MED12L: variants seen among roughly 807,000 people sequenced by gnomAD.
The protein encoded by MED12L is mediator of RNA polymerase II transcription subunit 12-like protein.
In MED12L, 60 loss-of-function variants were observed where a neutral mutation model predicts 281.3. The ratio of observed to expected loss-of-function variants is 0.21; its 90% CI spans 0.17 to 0.26. The LOEUF (loss-of-function observed/expected upper bound fraction) is 0.26, where lower values mean the gene tolerates loss of function less well. Ranked by LOEUF, MED12L falls within the 10% of genes least tolerant of loss-of-function variation. The pLI, the probability that MED12L is intolerant of heterozygous loss-of-function variation, is 1.00. For missense variants in MED12L, 2,146 were observed against 2,680.9 expected (o/e 0.80, Z 4.41); for synonymous variants, 974 against 987.2 (o/e 0.99, Z 0.25).
chr3:151,216,998 T>A (rs1728364239), intron 16 of MED12L, among the ~76,000 whole-genome samples: 1 of 152,132 alleles, frequency 6.6e-6, no homozygotes, highest in African/African-American at 2.4e-5. Context: ...CGCCTGGCCA[T>A]TGTGGTGTCA....
chr3:151,196,236 T>C (rs572450218), intron 16 of MED12L, among the ~76,000 whole-genome samples: 2 of 152,350 alleles, frequency 1.3e-5, no homozygotes, highest in African/African-American at 4.8e-5. Context: ...ACAATTGATA[T>C]TGTAGGATAC....
intron 16 of MED12L, chr3:151,338,199 A>T: frequency 1.9e-6 from 3 of 1,614,134 alleles, no homozygotes; most frequent in Non-Finnish European, 2.5e-6. Flanking sequence ...TGACCGGTAC[A>T]GTTCTTTTGT....
At chr3:151,424,192 T>A (rs528287251) in intron 43 of MED12L, among the ~76,000 whole-genome samples, 2 of 152,306 alleles carry the variant, frequency 1.3e-5, no homozygotes, top group East Asian at 1.9e-4. Context: ...TTTGGAAATT[T>A]TTTTTTTCTT....
chr3:151,131,135 C>T (rs571115308), intron 5 of MED12L, among the ~76,000 whole-genome samples: 10 of 152,312 alleles, frequency 6.6e-5, no homozygotes, highest in East Asian at 1.9e-4. Flanking sequence ...CCAGCTATAT[C>T]GGAGAGACTA....
intron 16 of MED12L, among the ~76,000 whole-genome samples, chr3:151,309,137 A>ACG (rs200464647): frequency 5.2e-5 from 7 of 134,094 alleles, no homozygotes; most frequent in Non-Finnish European, 9.4e-5. Flanking sequence ...ACACACACAC[A>ACG]CACGCACACA....
chr3:151,183,873 A>G (rs1282218228), intron 11 of MED12L, among the ~76,000 whole-genome samples: 1 of 152,256 alleles, frequency 6.6e-6, no homozygotes, highest in Non-Finnish European at 1.5e-5. Flanking sequence ...GCTTAGATTA[A>G]TAAAAACTGA....
At chr3:151,294,281 G>A in intron 16 of MED12L, 1 of 1,613,704 alleles carries the variant, frequency 6.2e-7, no homozygotes, top group Non-Finnish European at 8.5e-7. Context: ...CAGCCTTCTT[G>A]AAAATGACCT....
chr3:151,319,472 T>TGC (rs977027666), intron 16 of MED12L, among the ~76,000 whole-genome samples: 6 of 68,486 alleles, frequency 8.8e-5, no homozygotes, highest in Middle Eastern at 5.3e-3. Flanking sequence ...TGTGTGCGTG[T>TGC]GTGTGTGTGT....
chr3:151,354,772 C>T (rs1247557670), intron 17 of MED12L, among the ~76,000 whole-genome samples: 2 of 152,140 alleles, frequency 1.3e-5, no homozygotes, highest in African/African-American at 2.4e-5. Context: ...CAACATGAAT[C>T]AATCTTAAAA....
intron 16 of MED12L, among the ~76,000 whole-genome samples, chr3:151,233,075 G>A (rs1732022162): frequency 6.6e-6 from 1 of 152,192 alleles, no homozygotes; most frequent in Non-Finnish European, 1.5e-5. Flanking sequence ...CCCTCTTGGA[G>A]CTCAGAGCCT....
intron 26 of MED12L, among the ~76,000 whole-genome samples, chr3:151,371,786 A>G (rs1756217725): frequency 6.6e-6 from 1 of 152,144 alleles, no homozygotes; most frequent in African/African-American, 2.4e-5. Context: ...TTGAATTTTT[A>G]TTACTCTCTC....
chr3:151,186,585 C>T (rs951383015), intron 12 of MED12L, among the ~76,000 whole-genome samples: 10 of 152,214 alleles, frequency 6.6e-5, no homozygotes, highest in African/African-American at 2.4e-4. Flanking sequence ...AGGTTGCAGA[C>T]TGTTCCCCAG....
At chr3:151,164,453 G>T (rs1720423123) in intron 9 of MED12L, among the ~76,000 whole-genome samples, 1 of 151,954 alleles carries the variant, frequency 6.6e-6, no homozygotes, top group African/African-American at 2.4e-5. Context: ...CCTGTCTTGG[G>T]ATCTAGAACT....
At chr3:151,299,828 C>T (rs1745661610) in intron 16 of MED12L, among the ~76,000 whole-genome samples, 3 of 152,042 alleles carry the variant, frequency 2.0e-5, no homozygotes, top group African/African-American at 7.2e-5. Flanking sequence ...TCCTACTTGT[C>T]ATTTTAGAGA....
At chr3:151,385,618 C>G (rs1259619256) in intron 36 of MED12L, among the ~76,000 whole-genome samples, 1 of 151,544 alleles carries the variant, frequency 6.6e-6, no homozygotes, top group Admixed American at 6.6e-5. Flanking sequence ...AGGAGGATTG[C>G]TTGAAGCCAG....
chr3:151,260,334 T>C (rs1738623799), intron 16 of MED12L, among the ~76,000 whole-genome samples: 2 of 152,164 alleles, frequency 1.3e-5, no homozygotes. Context: ...ACTAATATCT[T>C]TTAAAAGCCA....
At position 151,134,639 on chromosome 3, in the gene MED12L, G is replaced by T. The variant is rs550908946; in HGVS notation, c.556+6655G>T. 2.0e-5 allele frequency among the ~76,000 whole-genome samples: 3 copies of T among 152,264 alleles called. No homozygotes were observed. In the East Asian group the frequency reaches 5.8e-4, roughly 29 times the overall value. On this transcript the variant is annotated intron_variant, in intron 5 of 44. Transcript: ENST00000687756. ...AAGTCTTAAGGAATAAGCCACTGAG[G>T]GAACTTGGGACATCCAGGAGATTCA...
chr3:151,119,273 A>G (rs1713366521), intron 3 of MED12L, among the ~76,000 whole-genome samples: 1 of 152,106 alleles, frequency 6.6e-6, no homozygotes, highest in Non-Finnish European at 1.5e-5. Flanking sequence ...TAAAGGGTGT[A>G]TTAATCTACC....
chr3:151,256,756 C>G (rs997103387), intron 16 of MED12L, among the ~76,000 whole-genome samples: 1 of 147,388 alleles, frequency 6.8e-6, no homozygotes, highest in Non-Finnish European at 1.5e-5. Flanking sequence ...AAAACTCATA[C>G]AAGCAGAGCA....
Sources: allele counts gnomAD v4.1 joint callset (sites outside exome capture counted in the v4.1 genomes callset), GRCh38; gene constraint gnomAD v4.1.1; transcripts MANE v1.5; gene names NCBI Gene and HGNC (gene_info 2026-07-23, HGNC 2026-07-21).